The following KIFC1 variants were observed in gnomAD, a reference collection of about 807,000 sequenced individuals.
KIFC1 encodes kinesin family member C1, also known as kinesin-like protein KIFC1.
A neutral mutation model predicts 66.6 loss-of-function variants in KIFC1; 37 were observed. That is an observed-to-expected ratio of 0.56 (90% confidence interval 0.43 to 0.73). The LOEUF is 0.73. Ranked by LOEUF, KIFC1 falls within the 30% of genes least tolerant of loss-of-function variation. KIFC1 has a pLI of 0.00. For missense variants in KIFC1, 721 were observed against 859.8 expected, an observed-to-expected ratio of 0.84 and a Z score of 2.02; for synonymous variants, 325 against 343.5, an observed-to-expected ratio of 0.95 and a Z score of 0.60.
rs1031505770 is a variant in KIFC1, at chr6:33,406,144, A to G, written c.1537-52A>G. 8 of 1,515,624 alleles carry G rather than the reference A, an allele frequency of 5.3e-6. No homozygotes were observed. In the Admixed American group the frequency reaches 1.5e-4, roughly 29 times the overall value. The allele number at this position is 1,515,624 out of a possible 1,614,324, so 93.9% of individuals were successfully genotyped here. A position where few individuals can be genotyped will look rare whatever the true frequency, so the allele number is the denominator to read the frequency against. On this transcript the variant is annotated intron_variant, in intron 7 of 10. Transcript: ENST00000428849. This position sits in a 1 kb window ranked among gnomAD's most constrained non-coding sequence, Gnocchi z 4.5. Reference sequence around the variant, plus strand: ...GCTCTTATTCATTTCCATACATATTACTATGTACTGACTTCTGCCTGCCTT... The same window carrying G: ...GCTCTTATTCATTTCCATACATATTGCTATGTACTGACTTCTGCCTGCCTT...
Position 33,398,134 on chromosome 6 carries a change from GAC to G in KIFC1, c.119_120del (p.Asp40AlafsTer9). 6.2e-7 allele frequency: 1 copy of G among 1,614,184 alleles called. No individual in the cohort carries two copies. Among genetic ancestry groups the G allele is most frequent in the Non-Finnish European group, 8.5e-7 (1 of 1,180,038 alleles). ...LSGSRLKRRPDQMEDGLEPEK... is the reference protein window; with the variant it reads ...LSGSRLKRRPXQMEDGLEPEK... ...AGGAAGCAGACTCAAGAGGAGGCCT[GAC>G]CAGATGGAAGATGGCCTGGAGCCTG... On this transcript the variant is annotated frameshift_variant, in exon 2 of 11. Coordinates refer to ENST00000428849, the MANE Select transcript of KIFC1 (RefSeq NM_002263.4). LOFTEE classifies it high-confidence loss of function.
chr6:33,398,445 A>C, intron 3 of KIFC1, 58 bp downstream of exon 3: 5 of 1,207,078 alleles, frequency 4.1e-6, no homozygotes, highest in African/African-American at 1.5e-5. Flanking sequence ...TCTTCAACTC[A>C]CTTGTTTCTT....
At position 33,406,903 on chromosome 6, in the gene KIFC1, A is replaced by G. The variant is rs1775691680; in HGVS notation, c.1977+28A>G. 3 of 1,613,910 alleles carry G rather than the reference A, an allele frequency of 1.9e-6. No individual in the cohort carries two copies. Among genetic ancestry groups the G allele is most frequent in the Non-Finnish European group, 2.5e-6 (3 of 1,179,920 alleles). On this transcript the variant is annotated intron_variant, in intron 10 of 10. Transcript: ENST00000428849. This position sits in a 1 kb window ranked among gnomAD's most constrained non-coding sequence, Gnocchi z 4.5. ...GCGATTACCACCCGTCAGCCTTGTC[A>G]GGACCCGTGGGTGGTTGTAGGCTTC...
intron 3 of KIFC1, chr6:33,399,973 G>T: frequency 5.2e-6 from 3 of 576,928 alleles, no homozygotes; most frequent in South Asian, 2.2e-5. Flanking sequence ...ACTTGCCAAG[G>T]CTGATGTAAC....
intron 1 of KIFC1, among the ~76,000 whole-genome samples, chr6:33,394,169 T>G (rs1258630038): frequency 1.3e-5 from 2 of 152,126 alleles, no homozygotes; most frequent in Admixed American, 6.6e-5. Flanking sequence ...AATGTCACCT[T>G]GGGGATAAAA....
In KIFC1 at chr6:33,406,734, C is replaced by G. The variant is rs909498331; in HGVS notation, c.1902-66C>G. 3.1e-6 allele frequency: 5 copies of G among 1,610,060 alleles called. No individual in the cohort carries two copies. The African/African-American group carries it at 6.7e-5, about 22-fold the overall frequency. On this transcript the variant is annotated intron_variant, in intron 9 of 10. Coordinates refer to ENST00000428849, the MANE Select transcript of KIFC1 (RefSeq NM_002263.4). This position sits in a 1 kb window ranked among gnomAD's most constrained non-coding sequence, Gnocchi z 4.5. ...TTGGGGTGAGGGGTAGAAAGGGGAA[C>G]AGTGGAGACCTGTCCAGGCTCTGCT...
Position 33,392,012 on chromosome 6 carries a change from C to A in KIFC1, c.12+15C>A. The A allele has an allele frequency of 1.2e-6, 2 of 1,613,570 alleles. No individual in the cohort carries two copies. Among genetic ancestry groups the A allele is most frequent in the Non-Finnish European group, 1.7e-6 (2 of 1,179,782 alleles). On this transcript the variant is annotated intron_variant, in intron 1 of 10. Coordinates refer to ENST00000428849, the MANE Select transcript of KIFC1 (RefSeq NM_002263.4). ...TGGATCCGCAGGTGAGTAGGGGCGG[C>A]GCAGGTGTCCTGCCCTGGGGATGGG...
Position 33,398,149 on chromosome 6 carries a change from G to A in KIFC1, c.133G>A (p.Gly45Ser). 1 of 1,614,196 alleles carries A rather than the reference G, an allele frequency of 6.2e-7. No homozygotes were observed. ...GAGGAGGCCTGACCAGATGGAAGAT[G>A]GCCTGGAGCCTGAGAAGGTGAGCTG... The part of the protein sequence containing the change: ...LKRRPDQMED[G>S]LEPEKKRTRG... The change falls in exon 2 of 11, where the codon GGC (glycine) becomes AGC (serine). Residue 45 changes from glycine to serine, a missense_variant. Gly to Ser is a moderately conservative substitution (Grantham distance 56). Transcript: ENST00000428849.
At position 33,409,789 on chromosome 6, in the gene KIFC1, G is replaced by T; in HGVS notation, c.*99G>T. 1 of 1,282,092 alleles carries T rather than the reference G, an allele frequency of 7.8e-7. No individual in the cohort carries two copies. The highest frequency in any genetic ancestry group is 2.3e-5 in the East Asian group (1 of 42,600). 79.4% of individuals were successfully genotyped at this position (1,282,092 alleles called of 1,614,324 possible). Reference sequence around the variant, plus strand: ...TATGTATCGGGTGAGGGGTGGGAGGGTTGCTGGAGGGTGCTTTATTGGGTG... The same window carrying T: ...TATGTATCGGGTGAGGGGTGGGAGGTTTGCTGGAGGGTGCTTTATTGGGTG... On this transcript the variant is annotated 3_prime_UTR_variant, in exon 11 of 11. Transcript: ENST00000428849.
rs1775397357 is a variant in KIFC1, at chr6:33,401,970, G to A, written c.251-1344G>A. Among the ~76,000 whole-genome samples, 2 of 152,188 alleles carry A rather than the reference G, an allele frequency of 1.3e-5. No individual in the cohort carries two copies. The highest frequency in any genetic ancestry group is 2.9e-5 in the Non-Finnish European group (2 of 68,040). On this transcript the variant is annotated intron_variant, in intron 3 of 10. Coordinates refer to ENST00000428849, the MANE Select transcript of KIFC1 (RefSeq NM_002263.4). This position sits in a 1 kb window ranked among gnomAD's most constrained non-coding sequence, Gnocchi z 4.5. The stretch of plus-strand genomic sequence containing the variant: ...TCTGCCCACCTCGGCCTCCCAAAGT[G>A]CTGGGATTACAGGCGTGAGCCACAG...
At chr6:33,395,368 C>T (rs1389429704) in intron 1 of KIFC1, among the ~76,000 whole-genome samples, 1 of 151,996 alleles carries the variant, frequency 6.6e-6, no homozygotes, top group Admixed American at 6.6e-5. Context: ...GGGAGGATTG[C>T]TGGAGGAATG....
chr6:33,391,852 G>T lies in KIFC1; in HGVS notation c.-134G>T. Reference sequence around the variant, plus strand: ...TTCAAAAGTGGCGGGTGTGGCGCGGGGCTGGTAGCGGCCGGAGCCGTGCGA... The same window carrying T: ...TTCAAAAGTGGCGGGTGTGGCGCGGTGCTGGTAGCGGCCGGAGCCGTGCGA... On this transcript the variant is annotated 5_prime_UTR_variant, in exon 1 of 11. Transcript: ENST00000428849. 9.6e-7 allele frequency: 1 copy of T among 1,042,496 alleles called. No homozygotes were observed. 64.6% of individuals were successfully genotyped at this position (1,042,496 alleles called of 1,614,324 possible).
At position 33,398,400 on chromosome 6, in the gene KIFC1, G is replaced by A. The variant is rs1361258078; in HGVS notation, c.250+13G>A. ...GGCCAGACCACAGGTGGGCTCTCAG[G>A]ATGGATAGACTCCAAGGACATGGAA... On this transcript the variant is annotated intron_variant, in intron 3 of 10. Transcript: ENST00000428849. 2.5e-6 allele frequency: 4 copies of A among 1,580,536 alleles called. No homozygotes were observed. The highest frequency in any genetic ancestry group is 2.2e-5 in the East Asian group (1 of 44,702).
At chr6:33,392,202 G>A (rs757891747) in intron 1 of KIFC1, among the ~76,000 whole-genome samples, 1 of 152,230 alleles carries the variant, frequency 6.6e-6, no homozygotes, top group Non-Finnish European at 1.5e-5. Flanking sequence ...AGGCACGTCT[G>A]TCTGCCCTCC....
rs780846308 is a variant in KIFC1 at position 33,405,718 on chromosome 6, A to G, written c.1536+87A>G. 2 of 1,299,630 alleles carry G rather than the reference A, an allele frequency of 1.5e-6. No individual in the cohort carries two copies. The highest frequency in any genetic ancestry group is 2.0e-6 in the Non-Finnish European group (2 of 985,790). 80.5% of individuals were successfully genotyped at this position (1,299,630 alleles called of 1,614,324 possible). ...GGAGGTAGAGGGAGAAAGGAGCAAGAGAGAATTGAAGGATGAAGTGCAAGT... is the reference window on the plus strand; with the variant it reads ...GGAGGTAGAGGGAGAAAGGAGCAAGGGAGAATTGAAGGATGAAGTGCAAGT... On this transcript the variant is annotated intron_variant, in intron 7 of 10. Transcript: ENST00000428849. The surrounding 1 kb of genome is among the most constrained non-coding windows in gnomAD (Gnocchi z 5.4).
At chr6:33,392,084 C>G in intron 1 of KIFC1, 87 bp downstream of exon 1, 2 of 1,468,722 alleles carry the variant, frequency 1.4e-6, no homozygotes, top group South Asian at 1.2e-5. Flanking sequence ...GGCTCCCGGT[C>G]GGCCTTTGTC....
rs1757920478 is a variant in KIFC1, at chr6:33,405,715, AAG to A, written c.1536+90_1536+91del. 2 of 1,322,194 alleles carry A rather than the reference AAG, an allele frequency of 1.5e-6. No homozygotes were observed. Among genetic ancestry groups the A allele is most frequent in the Non-Finnish European group, 2.0e-6 (2 of 1,003,842 alleles). The allele number at this position is 1,322,194 out of a possible 1,614,324, so 81.9% of individuals were successfully genotyped here. A position where few individuals can be genotyped will look rare whatever the true frequency, so the allele number is the denominator to read the frequency against. Reference sequence around the variant, plus strand: ...GATGGAGGTAGAGGGAGAAAGGAGCAAGAGAGAATTGAAGGATGAAGTGCAAG... The same window carrying A: ...GATGGAGGTAGAGGGAGAAAGGAGCAAGAGAATTGAAGGATGAAGTGCAAG... On this transcript the variant is annotated intron_variant, in intron 7 of 10. Transcript: ENST00000428849. The surrounding 1 kb of genome is among the most constrained non-coding windows in gnomAD (Gnocchi z 5.4).
Position 33,409,639 on chromosome 6 carries a change from C to T in KIFC1, c.1978-7C>T. The stretch of plus-strand genomic sequence containing the variant: ...AACTTTTATCCTGTCTAACCCCCTG[C>T]CCCCAGGTGAACCAGTGTGTTATTG... On this transcript the variant is annotated splice_region_variant and splice_polypyrimidine_tract_variant and intron_variant, in intron 10 of 10. Transcript: ENST00000428849. 1 of 1,613,042 alleles carries T rather than the reference C, an allele frequency of 6.2e-7. No individual in the cohort carries two copies. The highest frequency in any genetic ancestry group is 8.5e-7 in the Non-Finnish European group (1 of 1,179,424).
chr6:33,391,592 AG>A, upstream of KIFC1: 1 of 284,898 alleles, frequency 3.5e-6, no homozygotes, highest in Non-Finnish European at 6.7e-6. Flanking sequence ...GCCGAGCGGA[AG>A]TCCAGCACTA....
Sources: allele counts gnomAD v4.1 joint callset (sites outside exome capture counted in the v4.1 genomes callset), GRCh38; gene constraint gnomAD v4.1.1; non-coding constraint Gnocchi (gnomAD v3.1); transcripts MANE v1.5; gene names NCBI Gene and HGNC (gene_info 2026-07-23, HGNC 2026-07-21).